BCAR3: variants seen among roughly 807,000 people sequenced by gnomAD.
BCAR3 encodes the protein breast cancer anti-estrogen resistance protein 3.
Under a neutral mutation model 80.1 loss-of-function variants are expected in BCAR3, and 37 were observed. The ratio of observed to expected loss-of-function variants is 0.46; its 90% CI spans 0.36 to 0.61. The LOEUF is 0.61. Ranked by LOEUF, BCAR3 falls within the 20% of genes least tolerant of loss-of-function variation. BCAR3 has a pLI of 0.00. For synonymous variants in BCAR3, 389 were observed against 418.9 expected (o/e 0.93, Z 0.87); for missense variants, 978 against 1,068.2 (o/e 0.92, Z 1.18).
chr1:93,603,289 T>C (rs1674677685), intron 3 of BCAR3, among the ~76,000 whole-genome samples: 1 of 152,256 alleles, frequency 6.6e-6, no homozygotes, highest in Admixed American at 6.5e-5. Flanking sequence ...GTCCAGGACG[T>C]TGCCAGAACC....
At chr1:93,689,756 G>C (rs1278168373) in intron 3 of BCAR3, among the ~76,000 whole-genome samples, 1 of 152,206 alleles carries the variant, frequency 6.6e-6, no homozygotes, top group South Asian at 2.1e-4. Flanking sequence ...GGGGTTGGGG[G>C]TGGGTGGTGA....
At chr1:93,826,529 C>T (rs938392051) in intron 2 of BCAR3, among the ~76,000 whole-genome samples, 2 of 152,266 alleles carry the variant, frequency 1.3e-5, no homozygotes, top group African/African-American at 2.4e-5. Flanking sequence ...CATTCATCCA[C>T]GTATTCATTC....
chr1:93,637,749 G>A (rs1570993912), intron 3 of BCAR3, among the ~76,000 whole-genome samples: 1 of 152,020 alleles, frequency 6.6e-6, no homozygotes. Context: ...CAATCAATAC[G>A]GCAATCTTAG....
At chr1:93,832,475 G>C (rs1311621181) in intron 2 of BCAR3, among the ~76,000 whole-genome samples, 1 of 152,174 alleles carries the variant, frequency 6.6e-6, no homozygotes, top group African/African-American at 2.4e-5. Flanking sequence ...TGGAACTCTG[G>C]CCCAAGGCTC....
At chr1:93,681,931 C>G (rs1015584179), upstream of BCAR3, 1 of 152,324 alleles carries the variant, frequency 6.6e-6, no homozygotes, top group Non-Finnish European at 1.5e-5. Flanking sequence ...GCGGAACCCC[C>G]CGAGACATTT....
At chr1:93,719,334 G>GTTTTTTTTTT (rs1217381018) in intron 2 of BCAR3, among the ~76,000 whole-genome samples, 26 of 73,212 alleles carry the variant, frequency 3.6e-4, no homozygotes, top group East Asian at 1.4e-3. Context: ...AAACTTTCTT[G>GTTTTTTTTTT]TTTTTTTTTT....
At chr1:93,760,374 C>T (rs1375911974) in intron 2 of BCAR3, among the ~76,000 whole-genome samples, 11 of 152,028 alleles carry the variant, frequency 7.2e-5, no homozygotes, top group East Asian at 1.9e-4. Context: ...GGTCTGACTT[C>T]GGGTGAGACT....
rs1228816240 is a variant in BCAR3, at chr1:93,624,769, T to C, written c.357+17535A>G. Among the ~76,000 whole-genome samples the C allele has an allele frequency of 8.5e-5, 13 of 152,278 alleles. No homozygotes were observed. In the East Asian group the frequency reaches 1.9e-3, roughly 23 times the overall value. On this transcript the variant is annotated intron_variant, in intron 3 of 11. Coordinates refer to ENST00000260502, the MANE Select transcript of BCAR3 (RefSeq NM_003567.4). ...CTTGTTCATGGTATTTGCAAGAAGG[T>C]AGGGGCCCTTCCCTGTCTCTCCAAA...
chr1:93,719,432 C>T (rs1650311423), intron 2 of BCAR3, among the ~76,000 whole-genome samples: 1 of 145,466 alleles, frequency 6.9e-6, no homozygotes, highest in African/African-American at 2.5e-5. Flanking sequence ...CCTCTGCCTC[C>T]CGGGTTCACA....
chr1:93,614,329 G>C (rs1282229646), intron 3 of BCAR3, among the ~76,000 whole-genome samples: 3 of 151,964 alleles, frequency 2.0e-5, no homozygotes, highest in Non-Finnish European at 4.4e-5. Context: ...TTTCCTTCTG[G>C]GGCTGAACTG....
At chr1:93,672,644 C>G (rs1163665878) in intron 2 of BCAR3, among the ~76,000 whole-genome samples, 1 of 152,144 alleles carries the variant, frequency 6.6e-6, no homozygotes, top group African/African-American at 2.4e-5. Context: ...CAGGTATGCA[C>G]CTCCATGTTC....
At position 93,587,701 on chromosome 1, in the gene BCAR3, C is replaced by CA. The variant is rs71586802; in HGVS notation, c.929+1275dup. 2.2e-3 allele frequency among the ~76,000 whole-genome samples: 314 copies of CA among 143,074 alleles called. 2 individuals carry two copies. The highest frequency in any genetic ancestry group is 4.9e-3 in the African/African-American group (190 of 38,996). The allele number at this position is 143,074 out of a possible 152,430, so 93.9% of individuals were successfully genotyped here. A position where few individuals can be genotyped will look rare whatever the true frequency, so the allele number is the denominator to read the frequency against. On this transcript the variant is annotated intron_variant, in intron 5 of 11. Transcript: ENST00000260502. ...GACATTTCCTCATGGACCCCCCCGC[C>CA]AAAAAAAAAAACCAGTGAGTAGAAT...
At chr1:93,755,453 A>G (rs1337307432) in intron 2 of BCAR3, among the ~76,000 whole-genome samples, 1 of 152,186 alleles carries the variant, frequency 6.6e-6, no homozygotes, top group Non-Finnish European at 1.5e-5. Flanking sequence ...TTAAATCTTT[A>G]TATTGTAGCT....
intron 3 of BCAR3, among the ~76,000 whole-genome samples, chr1:93,701,036 C>T (rs1649623455): frequency 6.6e-6 from 1 of 152,242 alleles, no homozygotes; most frequent in Non-Finnish European, 1.5e-5. Context: ...AGCAGTGGCT[C>T]TGCTGCTTGA....
chr1:93,671,922 A>G (rs1228884283), intron 2 of BCAR3, among the ~76,000 whole-genome samples: 1 of 152,302 alleles, frequency 6.6e-6, no homozygotes, highest in South Asian at 2.1e-4. Context: ...TATTAATAGT[A>G]GTACAGAGCA....
intron 2 of BCAR3, among the ~76,000 whole-genome samples, chr1:93,776,021 TAGCTTCC>T (rs1186961767): frequency 6.6e-6 from 1 of 152,196 alleles, no homozygotes; most frequent in Non-Finnish European, 1.5e-5. Context: ...AGCTAGCCAG[TAGCTTCC>T]AGCAAACAAA....
intron 3 of BCAR3, among the ~76,000 whole-genome samples, chr1:93,687,658 C>T (rs1016259064): frequency 1.3e-5 from 2 of 152,166 alleles, no homozygotes; most frequent in African/African-American, 2.4e-5. Flanking sequence ...CCAAGAGACA[C>T]ATGAACAGAC....
intron 3 of BCAR3, among the ~76,000 whole-genome samples, chr1:93,689,180 G>T (rs1649080833): frequency 6.6e-6 from 1 of 152,040 alleles, no homozygotes; most frequent in Non-Finnish European, 1.5e-5. Flanking sequence ...GGAACGCAGA[G>T]AAGGGAGAGA....
chr1:93,621,124 T>C (rs1675294715), intron 3 of BCAR3, among the ~76,000 whole-genome samples: 1 of 152,206 alleles, frequency 6.6e-6, no homozygotes, highest in Non-Finnish European at 1.5e-5. Flanking sequence ...CATTCCAGCC[T>C]GGAGAGAAAA....
Sources: gnomAD v4.1 joint callset for allele counts (sites outside exome capture counted in the v4.1 genomes callset) on GRCh38, gnomAD v4.1.1 for gene constraint, MANE v1.5 for transcripts, NCBI Gene and HGNC (gene_info 2026-07-23, HGNC 2026-07-21) for gene names.